The following PON3 variants were observed in gnomAD, a reference collection of about 807,000 sequenced individuals.
The protein encoded by PON3 is paraoxonase 3, also known as serum paraoxonase/lactonase 3.
A neutral mutation model predicts 36.3 loss-of-function variants in PON3; 37 were observed. The observed-to-expected ratio is 1.02, with a 90% CI of 0.78 to 1.34. PON3 has a LOEUF of 1.34. Among genes scored for constraint, PON3 ranks in the 40% most tolerant of loss-of-function variants. The probability of loss-of-function intolerance (pLI) is 0.00; values close to 1 mark genes in which losing one functional copy is unlikely to be tolerated. For missense variants in PON3, 415 were observed against 426.5 expected (o/e 0.97, Z 0.24); for synonymous variants, 155 against 154.8 (o/e 1.00, Z -0.01).
At chr7:95,385,041 A>C (rs1260827140) in intron 3 of PON3, among the ~76,000 whole-genome samples, 1 of 152,216 alleles carries the variant, frequency 6.6e-6, no homozygotes, top group Non-Finnish European at 1.5e-5. Context: ...TGATGAGTTC[A>C]TGTCCTTTGT....
intron 3 of PON3, among the ~76,000 whole-genome samples, chr7:95,375,989 T>C (rs1808906222): frequency 6.6e-6 from 1 of 152,218 alleles, no homozygotes; most frequent in Non-Finnish European, 1.5e-5. Flanking sequence ...TTCGAGGACT[T>C]GCAAATGCCT....
At chr7:95,368,930 C>T (rs1039823556) in intron 4 of PON3, among the ~76,000 whole-genome samples, 2 of 152,114 alleles carry the variant, frequency 1.3e-5, no homozygotes, top group Admixed American at 6.5e-5. Context: ...ATACCATCTC[C>T]AATGCAGAAT....
intron 3 of PON3, among the ~76,000 whole-genome samples, chr7:95,387,559 C>G (rs188155282): frequency 0.028 from 4,292 of 152,070 alleles, 115 homozygotes; most frequent in African/African-American, 0.068. Flanking sequence ...ATACTGCCCA[C>G]GGTAATTTAT....
At chr7:95,364,752 C>T (rs192820208) in intron 5 of PON3, 241 of 153,880 alleles carry the variant, frequency 1.6e-3, no homozygotes, top group Non-Finnish European at 2.8e-3. Flanking sequence ...CATAGCATAA[C>T]CCAGTTCATC....
intron 4 of PON3, among the ~76,000 whole-genome samples, chr7:95,370,778 C>A (rs1274767598): frequency 6.6e-6 from 1 of 151,900 alleles, no homozygotes. Flanking sequence ...ATATTGATAA[C>A]TTATGTTTTT....
chr7:95,394,522 G>A, intron 2 of PON3, 122 bp downstream of exon 2: 2 of 812,206 alleles, frequency 2.5e-6, no homozygotes, highest in Admixed American at 1.9e-5. Flanking sequence ...AGTGGACGGG[G>A]CAGATGTCCC....
intron 4 of PON3, 126 bp downstream of exon 4, chr7:95,372,047 A>C: frequency 8.4e-7 from 1 of 1,191,630 alleles, no homozygotes; most frequent in South Asian, 1.3e-5. Context: ...TTATCATTTA[A>C]AAAAAACACA....
chr7:95,386,310 A>G (rs1809189098), intron 3 of PON3, among the ~76,000 whole-genome samples: 1 of 152,230 alleles, frequency 6.6e-6, no homozygotes, highest in African/African-American at 2.4e-5. Flanking sequence ...ATCACCACTG[A>G]TCCCACAGAA....
intron 2 of PON3, among the ~76,000 whole-genome samples, chr7:95,394,239 G>GA (rs1207557685): frequency 6.6e-6 from 1 of 151,222 alleles, no homozygotes; most frequent in Non-Finnish European, 1.5e-5. Context: ...CATATTATTT[G>GA]AAAAAAAATA....
chr7:95,361,793 G>T (rs1808574664), intron 8 of PON3, among the ~76,000 whole-genome samples: 1 of 152,070 alleles, frequency 6.6e-6, no homozygotes, highest in African/African-American at 2.4e-5. Context: ...TAATGCCATA[G>T]AAAATGCAGT....
chr7:95,393,844 G>A (rs1343112519), intron 2 of PON3, among the ~76,000 whole-genome samples: 5 of 152,122 alleles, frequency 3.3e-5, no homozygotes, highest in African/African-American at 1.2e-4. Flanking sequence ...ACTGGGCCAT[G>A]GATTTTTTAT....
intron 3 of PON3, among the ~76,000 whole-genome samples, chr7:95,385,372 A>G (rs1304047393): frequency 6.6e-6 from 1 of 152,028 alleles, no homozygotes; most frequent in South Asian, 2.1e-4. Flanking sequence ...ATATTTTAAA[A>G]AGTATATATA....
intron 3 of PON3, 120 bp downstream of exon 3, chr7:95,390,034 G>T: frequency 9.2e-7 from 1 of 1,084,432 alleles, no homozygotes; most frequent in Non-Finnish European, 1.4e-6. Flanking sequence ...TTAGTTGACT[G>T]GTTTACCCGG....
At chr7:95,394,608 C>A in intron 2 of PON3, 36 bp downstream of exon 2, 2 of 1,574,744 alleles carry the variant, frequency 1.3e-6, no homozygotes, top group Non-Finnish European at 1.7e-6. Flanking sequence ...GACCAAGAAG[C>A]TGTGCTGGCT....
chr7:95,390,065 G>A, intron 3 of PON3, 89 bp downstream of exon 3: 1 of 1,315,202 alleles, frequency 7.6e-7, no homozygotes, highest in Non-Finnish European at 1.1e-6. Context: ...AGAGCATAGG[G>A]ATCCATCTGG....
At chr7:95,378,431 C>G (rs1808969261) in intron 3 of PON3, among the ~76,000 whole-genome samples, 1 of 152,220 alleles carries the variant, frequency 6.6e-6, no homozygotes, top group Non-Finnish European at 1.5e-5. Context: ...TTGAGAAGAG[C>G]AACTCCAAGA....
At chr7:95,377,494 C>T (rs1808946387) in intron 3 of PON3, 1 of 350,640 alleles carries the variant, frequency 2.9e-6, no homozygotes, top group East Asian at 1.2e-4. Context: ...CCCATGTAGC[C>T]TGACTGGGAG....
In PON3 at chr7:95,396,181, T is replaced by C. The variant is rs575117757; in HGVS notation, c.74+96A>G. 10 of 1,368,968 alleles carry C rather than the reference T, an allele frequency of 7.3e-6. No individual in the cohort carries two copies. The African/African-American group carries it at 1.4e-4, about 20-fold the overall frequency. 84.8% of individuals were successfully genotyped at this position (1,368,968 alleles called of 1,614,324 possible). A position where few individuals can be genotyped will look rare whatever the true frequency, so the allele number is the denominator to read the frequency against. ...GGAGTGAGGTTCCAAAGCTGCTCTTTCCTACCCGCTAGGAAGGGGGCGCCA... is the reference window on the plus strand; with the variant it reads ...GGAGTGAGGTTCCAAAGCTGCTCTTCCCTACCCGCTAGGAAGGGGGCGCCA... On this transcript the variant is annotated intron_variant, in intron 1 of 8. Coordinates refer to ENST00000265627, the MANE Select transcript of PON3 (RefSeq NM_000940.3).
chr7:95,381,848 C>A (rs1335615165), intron 3 of PON3, among the ~76,000 whole-genome samples: 1 of 152,144 alleles, frequency 6.6e-6, no homozygotes, highest in Non-Finnish European at 1.5e-5. Context: ...CTGCACCAAG[C>A]AGACCTAATA....
Sources: gnomAD v4.1 joint callset for allele counts (sites outside exome capture counted in the v4.1 genomes callset) on GRCh38, gnomAD v4.1.1 for gene constraint, MANE v1.5 for transcripts, NCBI Gene and HGNC (gene_info 2026-07-23, HGNC 2026-07-21) for gene names.